Variants in DOCK3 observed in about 807,000 individuals in gnomAD.
DOCK3 encodes the protein dedicator of cytokinesis 3, also known as dedicator of cytokinesis protein 3.
DOCK3 carries 60 observed loss-of-function variants against 265.6 expected under a neutral mutation model. The ratio of observed to expected loss-of-function variants is 0.23; its 90% CI spans 0.18 to 0.28. The LOEUF is 0.28. Among genes scored for constraint, DOCK3 ranks in the 10% least tolerant of loss-of-function variants. The pLI is 1.00. For missense variants in DOCK3, 1,981 were observed against 2,594.3 expected (o/e 0.76, Z 5.14); for synonymous variants, 881 against 938.0 (o/e 0.94, Z 1.11).
At chr3:50,690,147 T>A (rs2035113193) in intron 1 of DOCK3, among the ~76,000 whole-genome samples, 1 of 151,878 alleles carries the variant, frequency 6.6e-6, no homozygotes, top group Non-Finnish European at 1.5e-5. Flanking sequence ...TTTTTTTTTT[T>A]TTTGGAGACA....
At chr3:51,316,930 T>C (rs959640123) in intron 32 of DOCK3, among the ~76,000 whole-genome samples, 5 of 152,184 alleles carry the variant, frequency 3.3e-5, no homozygotes, top group Admixed American at 6.5e-5. Flanking sequence ...CTAAACAATA[T>C]CTTTCTTAGA....
At chr3:51,146,318 G>T (rs1303744051) in intron 9 of DOCK3, among the ~76,000 whole-genome samples, 3 of 152,148 alleles carry the variant, frequency 2.0e-5, no homozygotes, top group African/African-American at 7.2e-5. Flanking sequence ...AAAACACACA[G>T]CTACAATCAG....
intron 2 of DOCK3, among the ~76,000 whole-genome samples, chr3:50,839,591 A>AATGATG (rs1338834363): frequency 6.6e-6 from 1 of 152,032 alleles, no homozygotes; most frequent in Non-Finnish European, 1.5e-5. Flanking sequence ...TTAATCACAT[A>AATGATG]ATGATGTTGA....
At position 50,947,860 on chromosome 3, in the gene DOCK3, CT is replaced by C. The variant is rs759293427; in HGVS notation, c.315+13799del. Among the ~76,000 whole-genome samples, 662 of 133,252 alleles carry C rather than the reference CT, an allele frequency of 5.0e-3. 1 individual carries two copies. The highest frequency in any genetic ancestry group is 7.6e-3 in the Middle Eastern group (2 of 262). 87.4% of individuals were successfully genotyped at this position (133,252 alleles called of 152,430 possible). On this transcript the variant is annotated intron_variant, in intron 5 of 52. Transcript: ENST00000266037. Reference sequence around the variant, plus strand: ...AAAATAAAAAATTTCTGCAGTTTTTCTTTTTTTTTTTTTTTTATGGAGTCTT... The same window carrying C: ...AAAATAAAAAATTTCTGCAGTTTTTCTTTTTTTTTTTTTTTATGGAGTCTT...
intron 27 of DOCK3, among the ~76,000 whole-genome samples, chr3:51,305,954 C>G (rs1192953791): frequency 6.7e-6 from 1 of 149,588 alleles, no homozygotes; most frequent in Non-Finnish European, 1.5e-5. Context: ...ATTCTCCCAC[C>G]TCAGCCTCCC....
chr3:51,358,582 G>C (rs926780181), intron 46 of DOCK3, among the ~76,000 whole-genome samples: 2 of 151,422 alleles, frequency 1.3e-5, no homozygotes, highest in Non-Finnish European at 2.9e-5. Flanking sequence ...TTCTCCCTCT[G>C]TCTCTCCCTC....
chr3:51,201,516 A>G (rs185317846), intron 12 of DOCK3, among the ~76,000 whole-genome samples: 163 of 152,340 alleles, frequency 1.1e-3, no homozygotes, highest in Non-Finnish European at 1.6e-3. Flanking sequence ...ACCCAGACAC[A>G]TAAAGCAAGT....
intron 32 of DOCK3, among the ~76,000 whole-genome samples, chr3:51,317,632 A>T (rs1455466054): frequency 6.8e-6 from 1 of 147,666 alleles, no homozygotes; most frequent in Non-Finnish European, 1.5e-5. Context: ...ATGTATATTT[A>T]AAAATTGCTA....
At chr3:50,894,885 G>A (rs1363825395) in intron 4 of DOCK3, among the ~76,000 whole-genome samples, 2 of 152,058 alleles carry the variant, frequency 1.3e-5, no homozygotes, top group Non-Finnish European at 2.9e-5. Context: ...CATCTGTTAG[G>A]TCACACAGTT....
At chr3:51,172,526 T>C (rs1560160310) in intron 12 of DOCK3, among the ~76,000 whole-genome samples, 1 of 152,226 alleles carries the variant, frequency 6.6e-6, no homozygotes, top group Non-Finnish European at 1.5e-5. Flanking sequence ...GAGTCTCTTA[T>C]AGGCAGCATA....
chr3:50,896,975 T>C (rs1291155027), intron 4 of DOCK3, among the ~76,000 whole-genome samples: 1 of 152,208 alleles, frequency 6.6e-6, no homozygotes, highest in African/African-American at 2.4e-5. Flanking sequence ...CGGGCTCTTT[T>C]GTGGTTCCAT....
chr3:50,815,102 T>A (rs1362656531), intron 2 of DOCK3, among the ~76,000 whole-genome samples: 1 of 152,134 alleles, frequency 6.6e-6, no homozygotes, highest in African/African-American at 2.4e-5. Flanking sequence ...GGATTACAGG[T>A]GTGAGCCACC....
At chr3:50,823,740 G>A (rs950671807) in intron 2 of DOCK3, among the ~76,000 whole-genome samples, 1 of 151,822 alleles carries the variant, frequency 6.6e-6, no homozygotes, top group African/African-American at 2.4e-5. Context: ...CAGTAGGGGC[G>A]GCTGGGCAGA....
At chr3:51,367,511 G>A (rs1398923357) in intron 49 of DOCK3, among the ~76,000 whole-genome samples, 1 of 152,192 alleles carries the variant, frequency 6.6e-6, no homozygotes. Context: ...ATATTGTTAT[G>A]TGTGAATTTG....
intron 6 of DOCK3, among the ~76,000 whole-genome samples, chr3:51,067,113 T>A (rs1434896346): frequency 1.3e-5 from 2 of 152,224 alleles, no homozygotes; most frequent in Non-Finnish European, 2.9e-5. Context: ...AATATAACAT[T>A]ACTGTGTGCC....
intron 4 of DOCK3, among the ~76,000 whole-genome samples, chr3:50,920,751 A>G (rs1018758708): frequency 6.6e-6 from 1 of 152,044 alleles, no homozygotes. Flanking sequence ...TATCTCCTTC[A>G]GTTCTGCTCT....
rs147141648 is a variant in DOCK3, at chr3:50,809,990, A to C, written c.121+31232A>C. ...TCTTGTCTCTACAAAAAATTTAAAA[A>C]TTAGCATGGTGGTGTGTGCCTGTAG... is the stretch of plus-strand genomic sequence containing the variant. On this transcript the variant is annotated intron_variant, in intron 2 of 52. Coordinates refer to ENST00000266037, the MANE Select transcript of DOCK3 (RefSeq NM_004947.5). 1.1e-4 allele frequency among the ~76,000 whole-genome samples: 16 copies of C among 152,166 alleles called. No homozygotes were observed. In the East Asian group the frequency reaches 2.9e-3, roughly 28 times the overall value.
At chr3:51,262,331 G>T (rs1485939996) in intron 23 of DOCK3, among the ~76,000 whole-genome samples, 1 of 152,166 alleles carries the variant, frequency 6.6e-6, no homozygotes, top group Non-Finnish European at 1.5e-5. Flanking sequence ...GGGCCTGACT[G>T]TTAGAAGAAA....
Position 51,356,189 on chromosome 3 carries a change from T to C in DOCK3, c.4350T>C (p.Asn1450=). The change falls in exon 42 of 53, where the codon AAT becomes AAC. Residue 1450 remains asparagine, a synonymous_variant. Transcript: ENST00000266037. ...TCAAGAGCTTCTATCGCGTCAACAA[T>C]GTGAGGAAGTTCCGGTATGACAGGC... The part of the protein sequence containing the change: ...DRVKSFYRVN[N]VRKFRYDRPF... 6.2e-7 allele frequency: 1 copy of C among 1,613,952 alleles called. No homozygotes were observed.
Sources: allele counts gnomAD v4.1 joint callset (sites outside exome capture counted in the v4.1 genomes callset), GRCh38; gene constraint gnomAD v4.1.1; transcripts MANE v1.5; gene names NCBI Gene and HGNC (gene_info 2026-07-23, HGNC 2026-07-21).